Variants in BAIAP2L1 observed in about 807,000 individuals in gnomAD.
BAIAP2L1 encodes the protein BAR/IMD domain-containing adapter protein 2-like 1.
Under a neutral mutation model 66.3 loss-of-function variants are expected in BAIAP2L1, and 35 were observed. The ratio of observed to expected loss-of-function variants is 0.53; its 90% CI spans 0.40 to 0.70. The LOEUF is 0.70. Ranked by LOEUF, BAIAP2L1 falls within the 30% of genes least tolerant of loss-of-function variation. The pLI is 0.00. For missense variants in BAIAP2L1, 622 were observed against 656.9 expected, an observed-to-expected ratio of 0.95 and a Z score of 0.58; for synonymous variants, 269 against 248.7, an observed-to-expected ratio of 1.08 and a Z score of -0.77.
intron 1 of BAIAP2L1, among the ~76,000 whole-genome samples, chr7:98,388,980 A>C (rs1802960611): frequency 8.0e-6 from 1 of 125,372 alleles, no homozygotes; most frequent in Non-Finnish European, 1.9e-5. Context: ...ATTAAAAAAA[A>C]AAAACAAAAA....
At chr7:98,332,293 G>A (rs553324208) in intron 3 of BAIAP2L1, among the ~76,000 whole-genome samples, 1 of 134,494 alleles carries the variant, frequency 7.4e-6, no homozygotes, top group South Asian at 2.5e-4. Context: ...TGAGGCAGGA[G>A]AATTGCTTGA....
chr7:98,400,881 G>A lies in BAIAP2L1; in HGVS notation c.-29C>T, dbSNP rs1251057738. The stretch of plus-strand genomic sequence containing the variant: ...TGCGGCCGCCGGGCGAGCAAGCGCG[G>A]GAGGACGCGGCTGGGCCTCGTGGCC... On this transcript the variant is annotated 5_prime_UTR_variant, in exon 1 of 14. Coordinates refer to ENST00000005260, the MANE Select transcript of BAIAP2L1 (RefSeq NM_018842.5). 1.3e-6 allele frequency: 2 copies of A among 1,533,848 alleles called. No homozygotes were observed. Among genetic ancestry groups the A allele is most frequent in the South Asian group, 2.4e-5 (2 of 83,076 alleles).
chr7:98,400,055 T>G (rs1271853317), intron 1 of BAIAP2L1: 2 of 151,730 alleles, frequency 1.3e-5, no homozygotes, highest in Non-Finnish European at 2.9e-5. Context: ...AAACTCGAGC[T>G]TGTGTCTTTG....
At chr7:98,346,122 A>G (rs1801867779) in intron 3 of BAIAP2L1, among the ~76,000 whole-genome samples, 1 of 152,198 alleles carries the variant, frequency 6.6e-6, no homozygotes, top group South Asian at 2.1e-4. Flanking sequence ...TAAATGGGTA[A>G]ACTGTATCTC....
At chr7:98,375,777 T>G (rs1376647232) in intron 1 of BAIAP2L1, among the ~76,000 whole-genome samples, 1 of 138,890 alleles carries the variant, frequency 7.2e-6, no homozygotes, top group Non-Finnish European at 1.6e-5. Context: ...AGAAAAAAAA[T>G]TACTAACAGT....
intron 1 of BAIAP2L1, among the ~76,000 whole-genome samples, chr7:98,376,784 A>T (rs1323073908): frequency 6.6e-6 from 1 of 152,082 alleles, no homozygotes; most frequent in African/African-American, 2.4e-5. Flanking sequence ...GTGAGCTGAG[A>T]TTATGCCATC....
At position 98,317,322 on chromosome 7, in the gene BAIAP2L1, T is replaced by A; in HGVS notation, c.383A>T (p.Asn128Ile). The A allele has an allele frequency of 6.2e-7, 1 of 1,614,236 alleles. No individual in the cohort carries two copies. The highest frequency in any genetic ancestry group is 8.5e-7 in the Non-Finnish European group (1 of 1,180,036). ...GGATTTCTCCAAAGACTCTAATTTATTCTTGTGTTCTGTTTGGTATCTTTT... is the reference window on the plus strand; with the variant it reads ...GGATTTCTCCAAAGACTCTAATTTAATCTTGTGTTCTGTTTGGTATCTTTT... ...TLKRYQTEHK[N>I]KLESLEKSQA... Residue 128 changes from asparagine (N) to isoleucine (I), a missense_variant, in exon 6 of 14, where the codon AAT (asparagine) becomes ATT (isoleucine). Transcript: ENST00000005260.
Position 98,400,972 on chromosome 7 carries a change from G to A in BAIAP2L1, c.-120C>T. 1.1e-6 allele frequency: 1 copy of A among 894,616 alleles called. No homozygotes were observed. The highest frequency in any genetic ancestry group is 1.5e-6 in the Non-Finnish European group (1 of 663,234). The allele number at this position is 894,616 out of a possible 1,614,324, so 55.4% of individuals were successfully genotyped here. ...GGGCTCTGGAGGGTCGGCCGCCGCC[G>A]CAGCCGTCGGCCCGAGAGTGCCCGC... On this transcript the variant is annotated 5_prime_UTR_variant, in exon 1 of 14. Coordinates refer to ENST00000005260, the MANE Select transcript of BAIAP2L1 (RefSeq NM_018842.5).
At chr7:98,348,569 CAAAAA>C (rs752966671) in intron 3 of BAIAP2L1, among the ~76,000 whole-genome samples, 2 of 109,852 alleles carry the variant, frequency 1.8e-5, no homozygotes, top group Admixed American at 1.8e-4. Context: ...TCTGCCTCCA[CAAAAA>C]AAAAAAAAAA....
At chr7:98,357,839 C>T (rs1365100780) in intron 2 of BAIAP2L1, among the ~76,000 whole-genome samples, 1 of 151,996 alleles carries the variant, frequency 6.6e-6, no homozygotes, top group Admixed American at 6.6e-5. Context: ...TGGGACATAC[C>T]CAAGGTCAAT....
At chr7:98,359,735 G>A (rs1004815779) in intron 2 of BAIAP2L1, among the ~76,000 whole-genome samples, 1 of 140,778 alleles carries the variant, frequency 7.1e-6, no homozygotes, top group Non-Finnish European at 1.5e-5. Flanking sequence ...CCATTCACCT[G>A]TAGACCTGGG....
At chr7:98,355,514 G>T in intron 2 of BAIAP2L1, 1 of 168,002 alleles carries the variant, frequency 6.0e-6, no homozygotes, top group Non-Finnish European at 1.3e-5. Flanking sequence ...GGTGGGAGGA[G>T]TTTGAGACCA....
At chr7:98,365,442 G>A (rs1390941162) in intron 1 of BAIAP2L1, among the ~76,000 whole-genome samples, 1 of 152,116 alleles carries the variant, frequency 6.6e-6, no homozygotes, top group Non-Finnish European at 1.5e-5. Flanking sequence ...ATTTCTAAGA[G>A]CATGTTCATG....
rs902051654 is a variant in BAIAP2L1, at chr7:98,389,696, T to G, written c.51+11106A>C. On this transcript the variant is annotated intron_variant, in intron 1 of 13. Transcript: ENST00000005260. The stretch of plus-strand genomic sequence containing the variant: ...ACCTCTTCTTGTCCCTGTTGTCACC[T>G]GCTTTTGTGCCTTTCAAAGATACAG... 2.0e-5 allele frequency among the ~76,000 whole-genome samples: 3 copies of G among 152,292 alleles called. No homozygotes were observed. In the East Asian group the frequency reaches 5.8e-4, roughly 29 times the overall value.
intron 3 of BAIAP2L1, among the ~76,000 whole-genome samples, chr7:98,338,041 T>C (rs1005476667): frequency 6.6e-6 from 1 of 152,246 alleles, no homozygotes; most frequent in Non-Finnish European, 1.5e-5. Context: ...TTTTTAGTGG[T>C]ATAATATACA....
At chr7:98,324,949 C>T (rs1378825894) in intron 3 of BAIAP2L1, among the ~76,000 whole-genome samples, 1 of 152,180 alleles carries the variant, frequency 6.6e-6, no homozygotes, top group African/African-American at 2.4e-5. Context: ...TGCTTCATTT[C>T]CAGAGAACGC....
chr7:98,292,789 C>G lies in BAIAP2L1; in HGVS notation c.*732G>C. ...TGAGTGAGAACACAAGGAGCCGTGA[C>G]TCCGACGCCCAGGCCTGTGTCCTGG... On this transcript the variant is annotated 3_prime_UTR_variant, in exon 14 of 14. Transcript: ENST00000005260. 6.5e-7 allele frequency: 1 copy of G among 1,543,160 alleles called. No homozygotes were observed. Among genetic ancestry groups the G allele is most frequent in the Non-Finnish European group, 8.8e-7 (1 of 1,141,898 alleles).
chr7:98,331,306 A>C (rs952627580), intron 3 of BAIAP2L1, among the ~76,000 whole-genome samples: 1 of 152,146 alleles, frequency 6.6e-6, no homozygotes, highest in Non-Finnish European at 1.5e-5. Context: ...GGGAACAAAA[A>C]CAATAAAAAC....
chr7:98,349,665 G>A (rs1801955607), intron 3 of BAIAP2L1, among the ~76,000 whole-genome samples: 1 of 151,646 alleles, frequency 6.6e-6, no homozygotes, highest in South Asian at 2.1e-4. Context: ...CTTAAGTCAG[G>A]AGTTCAAGAC....
Sources: gnomAD v4.1 joint callset for allele counts (sites outside exome capture counted in the v4.1 genomes callset) on GRCh38, gnomAD v4.1.1 for gene constraint, MANE v1.5 for transcripts, NCBI Gene and HGNC (gene_info 2026-07-23, HGNC 2026-07-21) for gene names.